Variants in CNST observed in about 807,000 individuals in gnomAD.
CNST encodes consortin.
A neutral mutation model predicts 72.4 loss-of-function variants in CNST; 39 were observed. That is an observed-to-expected ratio of 0.54 (90% confidence interval 0.42 to 0.70). The LOEUF (loss-of-function observed/expected upper bound fraction) is 0.70. Ranked by LOEUF, CNST falls within the 30% of genes least tolerant of loss-of-function variation. The pLI, the probability that CNST is intolerant of heterozygous loss-of-function variation, is 0.00. For synonymous variants in CNST, 332 were observed against 320.1 expected (o/e 1.04, Z -0.40); for missense variants, 871 against 868.5 (o/e 1.00, Z -0.04).
chr1:246,653,702 T>C (rs1204042121), intron 9 of CNST, among the ~76,000 whole-genome samples: 1 of 152,234 alleles, frequency 6.6e-6, no homozygotes. Flanking sequence ...CCATGTCTCT[T>C]GCGCAAAGCT....
intron 2 of CNST, among the ~76,000 whole-genome samples, chr1:246,608,689 G>T (rs1348650465): frequency 6.6e-6 from 1 of 152,162 alleles, no homozygotes; most frequent in East Asian, 1.9e-4. Flanking sequence ...CCAAGGGATG[G>T]GGAGCCTTGG....
rs181442778 is a variant in CNST, at chr1:246,575,213, T to C, written c.-52+8550T>C. Reference sequence around the variant, plus strand: ...TTCATCATGTTGGCCAGGCTGGTCTTGAACTCCTGACCTCCTGACCTTTTG... The same window carrying C: ...TTCATCATGTTGGCCAGGCTGGTCTCGAACTCCTGACCTCCTGACCTTTTG... On this transcript the variant is annotated intron_variant, in intron 1 of 10. Transcript: ENST00000366513. Among the ~76,000 whole-genome samples the C allele has an allele frequency of 4.4e-3, 663 of 152,192 alleles. 3 individuals carry two copies. Among genetic ancestry groups the C allele is most frequent in the African/African-American group, 0.015 (636 of 41,516 alleles).
At chr1:246,631,209 A>G (rs946236665) in intron 3 of CNST, among the ~76,000 whole-genome samples, 4 of 152,238 alleles carry the variant, frequency 2.6e-5, no homozygotes, top group Non-Finnish European at 5.9e-5. Context: ...AATGAATCTG[A>G]TAACTGACAA....
chr1:246,582,325 A>G (rs186263775), intron 1 of CNST, among the ~76,000 whole-genome samples: 72 of 150,170 alleles, frequency 4.8e-4, no homozygotes, highest in African/African-American at 1.7e-3. Context: ...ACATCTACTC[A>G]GTCCTGCAAA....
intron 6 of CNST, among the ~76,000 whole-genome samples, chr1:246,636,498 C>G (rs1355863524): frequency 6.6e-6 from 1 of 152,132 alleles, no homozygotes; most frequent in Non-Finnish European, 1.5e-5. Flanking sequence ...GATCTACAAA[C>G]CGGTTTTTTC....
In CNST at chr1:246,639,217, T is replaced by G. The variant is rs545937905; in HGVS notation, c.819-2532T>G. Among the ~76,000 whole-genome samples the G allele has an allele frequency of 7.9e-5, 12 of 151,860 alleles. No individual in the cohort carries two copies. In the South Asian group the frequency reaches 2.3e-3, roughly 29 times the overall value. On this transcript the variant is annotated intron_variant, in intron 6 of 10. Coordinates refer to ENST00000366513, the MANE Select transcript of CNST (RefSeq NM_152609.3). ...GGATAGAGAGAAAGGTTTGGTGAGG[T>G]CTGGGAGAGTGAGAACGGGGGCTGA... is the stretch of plus-strand genomic sequence containing the variant.
At chr1:246,608,647 C>G (rs536989312) in intron 2 of CNST, among the ~76,000 whole-genome samples, 49 of 152,264 alleles carry the variant, frequency 3.2e-4, no homozygotes, top group African/African-American at 1.2e-3. Flanking sequence ...AGGATTTAAG[C>G]CCGTGGGTTA....
At chr1:246,658,427 A>G (rs1666884209) in intron 9 of CNST, among the ~76,000 whole-genome samples, 1 of 152,194 alleles carries the variant, frequency 6.6e-6, no homozygotes, top group South Asian at 2.1e-4. Flanking sequence ...CTTCTGAAAT[A>G]CATTATTTCC....
intron 2 of CNST, among the ~76,000 whole-genome samples, chr1:246,620,798 C>T (rs546615051): frequency 6.7e-6 from 1 of 149,982 alleles, no homozygotes; most frequent in East Asian, 2.0e-4. Context: ...GCACACTCTA[C>T]AGGGAAGACG....
chr1:246,613,770 T>C (rs1663502038), intron 2 of CNST, among the ~76,000 whole-genome samples: 1 of 136,918 alleles, frequency 7.3e-6, no homozygotes, highest in Non-Finnish European at 1.6e-5. Context: ...CTCGGCTCCC[T>C]GCAACCTCCA....
At position 246,658,099 on chromosome 1, in the gene CNST, T is replaced by A. The variant is rs576273611; in HGVS notation, c.1837-2100T>A. ...AGGAATCAATAAACTTCCTCCCCGC[T>A]TTTAAAATTTTTGGAAAAATTTTAG... On this transcript the variant is annotated intron_variant, in intron 9 of 10. Coordinates refer to ENST00000366513, the MANE Select transcript of CNST (RefSeq NM_152609.3). Among the ~76,000 whole-genome samples, 83 of 152,342 alleles carry A rather than the reference T, an allele frequency of 5.4e-4. 1 individual carries two copies. The South Asian group carries it at 0.016, about 30-fold the overall frequency.
intron 9 of CNST, among the ~76,000 whole-genome samples, chr1:246,653,211 A>G (rs939617538): frequency 6.6e-6 from 1 of 152,196 alleles, no homozygotes; most frequent in African/African-American, 2.4e-5. Flanking sequence ...TAGAGAAGCT[A>G]TCTAATCGAA....
intron 1 of CNST, among the ~76,000 whole-genome samples, chr1:246,572,093 C>T (rs532994058): frequency 1.1e-3 from 168 of 152,184 alleles, no homozygotes; most frequent in African/African-American, 3.7e-3. Context: ...CACAGCCATG[C>T]CTGGGACTCA....
chr1:246,654,178 G>C (rs1416213570), intron 9 of CNST, among the ~76,000 whole-genome samples: 1 of 152,160 alleles, frequency 6.6e-6, no homozygotes, highest in Admixed American at 6.5e-5. Flanking sequence ...GTCATCTTCT[G>C]TCCTGGGGTC....
chr1:246,638,107 G>A (rs908394092), intron 6 of CNST, among the ~76,000 whole-genome samples: 1 of 152,222 alleles, frequency 6.6e-6, no homozygotes, highest in Admixed American at 6.5e-5. Flanking sequence ...AGTTGCAAGA[G>A]AGGTTTGTAG....
chr1:246,585,740 T>C (rs148410805), intron 1 of CNST, among the ~76,000 whole-genome samples: 63 of 145,648 alleles, frequency 4.3e-4, no homozygotes, highest in Non-Finnish European at 7.2e-4. Context: ...TAAGTGCATA[T>C]GATTTATGAA....
At chr1:246,622,098 G>T (rs562619778) in intron 3 of CNST, among the ~76,000 whole-genome samples, 1 of 152,184 alleles carries the variant, frequency 6.6e-6, no homozygotes, top group Non-Finnish European at 1.5e-5. Flanking sequence ...GGTGACCCTC[G>T]TGGGATATTT....
intron 3 of CNST, among the ~76,000 whole-genome samples, chr1:246,625,414 CTTTTTTTTTTT>C (rs61588900): frequency 1.1e-4 from 6 of 56,106 alleles, no homozygotes; most frequent in East Asian, 1.1e-3. Context: ...TTATTTCTTT[CTTTTTTTTTTT>C]TTTTTTTTTT....
At chr1:246,591,087 T>C (rs1365712238) in intron 1 of CNST, among the ~76,000 whole-genome samples, 1 of 152,208 alleles carries the variant, frequency 6.6e-6, no homozygotes, top group Admixed American at 6.5e-5. Context: ...CAACTAGCTT[T>C]CAGTTGTCTG....
Sources: gnomAD v4.1 joint callset for allele counts (sites outside exome capture counted in the v4.1 genomes callset) on GRCh38, gnomAD v4.1.1 for gene constraint, MANE v1.5 for transcripts, NCBI Gene and HGNC (gene_info 2026-07-23, HGNC 2026-07-21) for gene names.